Variants in MAFF observed in about 807,000 individuals in gnomAD.
MAFF encodes the protein transcription factor MafF.
In MAFF, 4 loss-of-function variants were observed where a neutral mutation model predicts 2.7. The observed-to-expected ratio is 1.48, with a 90% CI of 0.73 to 3.39. MAFF has a LOEUF of 3.39. Among genes scored for constraint, MAFF ranks in the 30% most tolerant of loss-of-function variants. The pLI is 0.01. For missense variants in MAFF, 190 were observed against 246.6 expected (o/e 0.77, Z 1.54); for synonymous variants, 113 against 119.4 (o/e 0.95, Z 0.35).
At chr22:38,210,946 G>A (rs1448368215) in intron 1 of MAFF, among the ~76,000 whole-genome samples, 1 of 152,082 alleles carries the variant, frequency 6.6e-6, no homozygotes, top group Non-Finnish European at 1.5e-5. Context: ...TATAGTTCCA[G>A]CTACTAGGGA....
rs1251109188 is a variant in MAFF, at chr22:38,214,719, G to A, written c.336G>A (p.Glu112=). 1 of 1,494,286 alleles carries A rather than the reference G, an allele frequency of 6.7e-7. No homozygotes were observed. Among genetic ancestry groups the A allele is most frequent in the Non-Finnish European group, 8.9e-7 (1 of 1,127,972 alleles). The allele number at this position is 1,494,286 out of a possible 1,614,324, so 92.6% of individuals were successfully genotyped here. ...TCGACGCGCTGCGCGGCAAGTGCGA[G>A]GCGCTGCAGGGCTTCGCGCGCTCCG... The part of the protein sequence containing the change: ...LELDALRGKC[E]ALQGFARSVA... The change falls in exon 3 of 3, where the codon GAG becomes GAA. Residue 112 remains glutamate, a synonymous_variant. Coordinates refer to ENST00000338483, the MANE Select transcript of MAFF (RefSeq NM_012323.4). This position sits in a 1 kb window ranked among gnomAD's most constrained non-coding sequence, Gnocchi z 6.3.
rs61328776 is a variant in MAFF, at chr22:38,211,230, CTTTT to C, written c.-31-2580_-31-2577del. 3.6e-4 allele frequency among the ~76,000 whole-genome samples: 50 copies of C among 139,946 alleles called. 1 individual carries two copies. Among genetic ancestry groups the C allele is most frequent in the Middle Eastern group, 3.7e-3 (1 of 272 alleles). The allele number at this position is 139,946 out of a possible 152,430, so 91.8% of individuals were successfully genotyped here. A position where few individuals can be genotyped will look rare whatever the true frequency, so the allele number is the denominator to read the frequency against. On this transcript the variant is annotated intron_variant, in intron 1 of 2. Transcript: ENST00000338483. ...GAGAAGGGATGCTGGGGAGCACTTT[CTTTT>C]TTTTTTTTTTTTCAGACGGAGTCTC...
chr22:38,212,832 G>A (rs984853914), intron 1 of MAFF, among the ~76,000 whole-genome samples: 1 of 152,044 alleles, frequency 6.6e-6, no homozygotes, highest in African/African-American at 2.4e-5. Flanking sequence ...CACATATGCT[G>A]TGTGTACTTT....
At chr22:38,213,343 C>T (rs1476622139) in intron 1 of MAFF, among the ~76,000 whole-genome samples, 1 of 152,102 alleles carries the variant, frequency 6.6e-6, no homozygotes, top group Non-Finnish European at 1.5e-5. Context: ...ATACCAGGCA[C>T]TGATTTAGGC....
At position 38,214,302 on chromosome 22, in the gene MAFF, G is replaced by A. The variant is rs571790180; in HGVS notation, c.37-118G>A. On this transcript the variant is annotated intron_variant, in intron 2 of 2. Coordinates refer to ENST00000338483, the MANE Select transcript of MAFF (RefSeq NM_012323.4). This position sits in a 1 kb window ranked among gnomAD's most constrained non-coding sequence, Gnocchi z 6.3. ...TCCCGGATTCCTGCTCCCCTTCGGGGTTTTGGATCAAGTCCACCCACCACC... is the reference window on the plus strand; with the variant it reads ...TCCCGGATTCCTGCTCCCCTTCGGGATTTTGGATCAAGTCCACCCACCACC... 59 of 1,012,062 alleles carry A rather than the reference G, an allele frequency of 5.8e-5. No individual in the cohort carries two copies. The East Asian group carries it at 9.4e-4, about 16-fold the overall frequency. The allele number at this position is 1,012,062 out of a possible 1,614,324, so 62.7% of individuals were successfully genotyped here. A position where few individuals can be genotyped will look rare whatever the true frequency, so the allele number is the denominator to read the frequency against.
chr22:38,206,340 CTTTT>C (rs61643002), intron 1 of MAFF, among the ~76,000 whole-genome samples: 3,607 of 108,306 alleles, frequency 0.033, 111 homozygotes, highest in East Asian at 0.17. Flanking sequence ...CCTATGCCTC[CTTTT>C]TTTTTTTTTT....
At chr22:38,210,198 C>G (rs554293140) in intron 1 of MAFF, among the ~76,000 whole-genome samples, 1 of 152,328 alleles carries the variant, frequency 6.6e-6, no homozygotes, top group Admixed American at 6.5e-5. Context: ...CCAGCTACCC[C>G]CAGCGAAACC....
intron 1 of MAFF, among the ~76,000 whole-genome samples, chr22:38,212,068 C>T (rs1428420515): frequency 2.6e-5 from 4 of 152,144 alleles, no homozygotes; most frequent in Admixed American, 2.0e-4. Flanking sequence ...GGCGCAATCT[C>T]GGCTCACTGT....
intron 1 of MAFF, chr22:38,203,649 C>G (rs1602329588): frequency 6.6e-6 from 1 of 152,344 alleles, no homozygotes; most frequent in South Asian, 2.1e-4. Flanking sequence ...ACCCACCCAC[C>G]CACGGTCTAT....
intron 1 of MAFF, chr22:38,213,510 G>A: frequency 2.3e-6 from 1 of 431,746 alleles, no homozygotes; most frequent in Non-Finnish European, 4.5e-6. Context: ...GCGGGGTTAT[G>A]TGATGTGACA....
chr22:38,210,666 G>A (rs1411769460), intron 1 of MAFF, among the ~76,000 whole-genome samples: 2 of 150,700 alleles, frequency 1.3e-5, no homozygotes, highest in Non-Finnish European at 2.9e-5. Context: ...GTGTGTCCGT[G>A]TGTGTATCAG....
At chr22:38,209,813 C>CAAAA (rs398037113) in intron 1 of MAFF, among the ~76,000 whole-genome samples, 7 of 76,440 alleles carry the variant, frequency 9.2e-5, no homozygotes, top group African/African-American at 2.7e-4. Context: ...GACTCCATCT[C>CAAAA]AAAAAAAAAA....
intron 1 of MAFF, among the ~76,000 whole-genome samples, chr22:38,207,699 T>C (rs989585061): frequency 2.0e-5 from 3 of 150,446 alleles, no homozygotes; most frequent in African/African-American, 7.3e-5. Context: ...CTGGGCTCAA[T>C]GGTTCCTCCT....
In MAFF at chr22:38,214,032, C is replaced by A; in HGVS notation, c.36+143C>A. The A allele has an allele frequency of 1.2e-6, 1 of 860,702 alleles. No homozygotes were observed. Among genetic ancestry groups the A allele is most frequent in the Non-Finnish European group, 1.8e-6 (1 of 544,048 alleles). The allele number at this position is 860,702 out of a possible 1,614,324, so 53.3% of individuals were successfully genotyped here. A position where few individuals can be genotyped will look rare whatever the true frequency, so the allele number is the denominator to read the frequency against. ...GCCTTCATGATGCCAAAGGGAAGGG[C>A]CACAGCCATGGGCTGGGACCAGGAG... On this transcript the variant is annotated intron_variant, in intron 2 of 2. Coordinates refer to ENST00000338483, the MANE Select transcript of MAFF (RefSeq NM_012323.4). The surrounding 1 kb of genome is among the most constrained non-coding windows in gnomAD (Gnocchi z 6.3).
chr22:38,204,572 TG>T lies in MAFF; in HGVS notation c.-32+2363del, dbSNP rs2091038009. ...TCCACAACACATGGAGAAAAAGGCC[TG>T]GGAACCCCAGAGAAACAGGAAGCCA... On this transcript the variant is annotated intron_variant, in intron 1 of 2. Transcript: ENST00000338483. Among the ~76,000 whole-genome samples the T allele has an allele frequency of 4.6e-5, 7 of 152,214 alleles. No individual in the cohort carries two copies. In the South Asian group the frequency reaches 1.5e-3, roughly 32 times the overall value.
chr22:38,208,272 G>A (rs2091069038), intron 1 of MAFF, among the ~76,000 whole-genome samples: 5 of 152,342 alleles, frequency 3.3e-5, no homozygotes, highest in Middle Eastern at 3.4e-3. Context: ...AGATGGGAAA[G>A]TGGAGACCCA....
chr22:38,213,016 A>G (rs1454119624), intron 1 of MAFF, among the ~76,000 whole-genome samples: 2 of 151,730 alleles, frequency 1.3e-5, no homozygotes, highest in African/African-American at 4.8e-5. Flanking sequence ...AATAAACTAA[A>G]AATACAAAAA....
chr22:38,211,002 A>G (rs2146019429), intron 1 of MAFF, among the ~76,000 whole-genome samples: 1 of 151,150 alleles, frequency 6.6e-6, no homozygotes, highest in African/African-American at 2.4e-5. Context: ...TGAGGCTGCA[A>G]TGAGCTGTGA....
In MAFF at chr22:38,208,888, G is replaced by A. The variant is rs138124793; in HGVS notation, c.-31-4935G>A. Among the ~76,000 whole-genome samples, 193 of 152,106 alleles carry A rather than the reference G, an allele frequency of 1.3e-3. 1 individual carries two copies. In the East Asian group the frequency reaches 0.021, roughly 17 times the overall value. ...GGAGGTGGCTCAGAGGCAAGAAAGC[G>A]CGGGTGGGAGGAAGTGAAAGAAATT... On this transcript the variant is annotated intron_variant, in intron 1 of 2. Coordinates refer to ENST00000338483, the MANE Select transcript of MAFF (RefSeq NM_012323.4).
Sources: gnomAD v4.1 joint callset for allele counts (sites outside exome capture counted in the v4.1 genomes callset) on GRCh38, gnomAD v4.1.1 for gene constraint, Gnocchi (gnomAD v3.1) non-coding constraint, MANE v1.5 for transcripts, NCBI Gene and HGNC (gene_info 2026-07-23, HGNC 2026-07-21) for gene names.